Variants in KCNC4 observed in about 807,000 individuals in gnomAD.
KCNC4 encodes the protein voltage-gated potassium channel KCNC4.
A neutral mutation model predicts 42.8 loss-of-function variants in KCNC4; 23 were observed. That is an observed-to-expected ratio of 0.54 (90% confidence interval 0.39 to 0.76). The LOEUF is 0.76. Ranked by LOEUF, KCNC4 falls within the 30% of genes least tolerant of loss-of-function variation. The pLI is 0.00. For synonymous variants in KCNC4, 422 were observed against 393.5 expected (o/e 1.07, Z -0.86); for missense variants, 751 against 898.2 (o/e 0.84, Z 2.10).
downstream of KCNC4, chr1:110,235,683 CA>C (rs1365384966): frequency 5.3e-5 from 8 of 152,240 alleles, no homozygotes; most frequent in Admixed American, 5.2e-4. Context: ...CCCCACCTCA[CA>C]GAAACAGCAG....
At chr1:110,246,485 G>A (rs814319) in exon 4 of KCNC4, 47,790 of 152,110 alleles carry the variant, frequency 0.31, 7,845 homozygotes, top group Middle Eastern at 0.37. Context: ...TTCCTTTTCC[G>A]AAAAGTCTTC....
rs77912876 is a variant in KCNC4, at chr1:110,220,629, A to G, written c.679-2335A>G. The G allele has an allele frequency of 2.0e-5, 3 of 152,352 alleles. No homozygotes were observed. The East Asian group carries it at 5.8e-4, about 29-fold the overall frequency. 9.4% of individuals were successfully genotyped at this position (152,352 alleles called of 1,614,324 possible). A position where few individuals can be genotyped will look rare whatever the true frequency, so the allele number is the denominator to read the frequency against. On this transcript the variant is annotated intron_variant, in intron 1 of 3. Transcript: ENST00000438661. The stretch of plus-strand genomic sequence containing the variant: ...GCTTCTGCTTCCCATGGTTCCTGGC[A>G]GAATTGGGATATGCTGTCCCTGCCC...
chr1:110,214,485 A>G lies in KCNC4; in HGVS notation c.678+2308A>G, dbSNP rs968745167. 3.3e-5 allele frequency among the ~76,000 whole-genome samples: 5 copies of G among 152,226 alleles called. No homozygotes were observed. The South Asian group carries it at 1.0e-3, about 32-fold the overall frequency. On this transcript the variant is annotated intron_variant, in intron 1 of 3. Coordinates refer to ENST00000438661, the MANE Select transcript of KCNC4 (RefSeq NM_001039574.3). ...ACATAATTTTTACAAATTAATGAAT[A>G]ACTGCTCATTATTGAGCACCCCAGA... is the stretch of plus-strand genomic sequence containing the variant.
intron 1 of KCNC4, among the ~76,000 whole-genome samples, chr1:110,264,504 G>A (rs75594050): frequency 0.012 from 1,781 of 152,246 alleles, 8 homozygotes; most frequent in Non-Finnish European, 0.02. Context: ...ATCTGAGGTC[G>A]ATATGCCAGC....
At chr1:110,276,444 G>C (rs3843831) in intron 1 of KCNC4, among the ~76,000 whole-genome samples, 43,862 of 151,756 alleles carry the variant, frequency 0.29, 6,734 homozygotes, top group Admixed American at 0.42. Context: ...TTCAGTGTCT[G>C]CAGCTTTTTC....
At chr1:110,274,566 G>A (rs1375395470) in intron 1 of KCNC4, among the ~76,000 whole-genome samples, 1 of 152,092 alleles carries the variant, frequency 6.6e-6, no homozygotes, top group African/African-American at 2.4e-5. Context: ...GCAATCCTAA[G>A]CAAAAATAGC....
chr1:110,248,961 G>T (rs1446605042), exon 4 of KCNC4: 1 of 152,240 alleles, frequency 6.6e-6, no homozygotes, highest in African/African-American at 2.4e-5. Context: ...CTATTTGGGT[G>T]GTTTCCCAGT....
chr1:110,229,591 C>T (rs557892687), intron 3 of KCNC4, among the ~76,000 whole-genome samples: 46 of 152,326 alleles, frequency 3.0e-4, no homozygotes, highest in African/African-American at 6.5e-4. Flanking sequence ...CCAGCCTCTG[C>T]GCTCTGTATT....
At chr1:110,226,463 C>G in intron 3 of KCNC4, 1 of 478,586 alleles carries the variant, frequency 2.1e-6, no homozygotes, top group South Asian at 2.2e-5. Flanking sequence ...CCCCGTGCTT[C>G]CATTGCATCT....
downstream of KCNC4, among the ~76,000 whole-genome samples, chr1:110,249,575 T>TC (rs1332577195): frequency 2.0e-5 from 3 of 151,836 alleles, no homozygotes; most frequent in Non-Finnish European, 2.9e-5. Flanking sequence ...GATTAATCAA[T>TC]CCCCCCTCTG....
chr1:110,268,920 G>T lies in KCNC4; in HGVS notation n.31-13614G>T, dbSNP rs572353317. ...ATTTTTTGTATTTTTAGTAGAGACG[G>T]GGTTTCACCGTGGTCTCGATCTCCT... is the stretch of plus-strand genomic sequence containing the variant. On this transcript the variant is annotated intron_variant and non_coding_transcript_variant, in intron 1 of 2. Coordinates refer to the KCNC4 transcript ENST00000412512. Among the ~76,000 whole-genome samples, 3 of 151,904 alleles carry T rather than the reference G, an allele frequency of 2.0e-5. No individual in the cohort carries two copies. The East Asian group carries it at 5.9e-4, about 30-fold the overall frequency.
At chr1:110,262,934 G>A (rs1012808660) in intron 1 of KCNC4, among the ~76,000 whole-genome samples, 1 of 152,166 alleles carries the variant, frequency 6.6e-6, no homozygotes, top group African/African-American at 2.4e-5. Flanking sequence ...GAGACTCCGC[G>A]TAACCCCATC....
exon 4 of KCNC4, chr1:110,241,396 T>C (rs372944228): frequency 1.3e-5 from 2 of 152,190 alleles, no homozygotes; most frequent in East Asian, 3.9e-4. Flanking sequence ...GATAGGACTG[T>C]TGACCTTCTC....
intron 1 of KCNC4, among the ~76,000 whole-genome samples, chr1:110,260,191 C>G (rs1453570225): frequency 6.6e-6 from 1 of 152,228 alleles, no homozygotes; most frequent in Non-Finnish European, 1.5e-5. Context: ...ATTTGATCCT[C>G]CTGAACTAGG....
In KCNC4 at chr1:110,210,563, G is replaced by T. The variant is rs1244588976; in HGVS notation, c.-937G>T. Among the ~76,000 whole-genome samples the T allele has an allele frequency of 2.0e-5, 3 of 151,590 alleles. No homozygotes were observed. The highest frequency in any genetic ancestry group is 4.4e-5 in the Non-Finnish European group (3 of 67,852). ...GCTCCCTCTCCGCGCGGCCCGGGAA[G>T]CCTGCAGGTGTCCTTGGCCGCTCGG... On this transcript the variant is annotated 5_prime_UTR_variant, in exon 1 of 4. Coordinates refer to ENST00000438661, the MANE Select transcript of KCNC4 (RefSeq NM_001039574.3).
intron 1 of KCNC4, among the ~76,000 whole-genome samples, chr1:110,256,041 TG>T (rs1659322564): frequency 1.3e-5 from 2 of 152,192 alleles, no homozygotes; most frequent in African/African-American, 4.8e-5. Flanking sequence ...TGCAGGAGGC[TG>T]GGGGAGGCCA....
chr1:110,230,879 G>C (rs1018670112), intron 3 of KCNC4, among the ~76,000 whole-genome samples: 1 of 152,238 alleles, frequency 6.6e-6, no homozygotes, highest in African/African-American at 2.4e-5. Flanking sequence ...ACTGCCACAG[G>C]AAGTGGCTGC....
intron 2 of KCNC4, chr1:110,225,094 G>A (rs1460275594): frequency 6.6e-6 from 1 of 152,210 alleles, no homozygotes; most frequent in Non-Finnish European, 1.5e-5. Context: ...AATTTCCCGG[G>A]GAATTTCAGC....
exon 4 of KCNC4, chr1:110,248,972 T>C (rs534563721): frequency 6.6e-6 from 1 of 152,378 alleles, no homozygotes; most frequent in African/African-American, 2.4e-5. Flanking sequence ...GTTTCCCAGT[T>C]TGGGGGGCCT....
Sources: gnomAD v4.1 joint callset for allele counts (sites outside exome capture counted in the v4.1 genomes callset) on GRCh38, gnomAD v4.1.1 for gene constraint, MANE v1.5 for transcripts, NCBI Gene and HGNC (gene_info 2026-07-23, HGNC 2026-07-21) for gene names.